The following PARD3 variants were observed in gnomAD, a reference collection of about 807,000 sequenced individuals.
PARD3 encodes partitioning defective 3 homolog.
PARD3 carries 75 observed loss-of-function variants against 155.4 expected under a neutral mutation model. That is an observed-to-expected ratio of 0.48 (90% CI 0.40 to 0.58). The LOEUF is 0.58. Among genes scored for constraint, PARD3 ranks in the 20% least tolerant of loss-of-function variants. PARD3 has a pLI of 0.00. For synonymous variants in PARD3, 576 were observed against 610.5 expected (o/e 0.94, Z 0.83); for missense variants, 1,642 against 1,721.7 (o/e 0.95, Z 0.82).
intron 2 of PARD3, among the ~76,000 whole-genome samples, chr10:34,651,679 C>A (rs1178259450): frequency 2.0e-5 from 3 of 152,150 alleles, no homozygotes; most frequent in Non-Finnish European, 1.5e-5. Flanking sequence ...GTAAGAGACC[C>A]GAGCTTTGCA....
chr10:34,149,469 CA>C (rs1948678430), intron 22 of PARD3, among the ~76,000 whole-genome samples: 1 of 152,014 alleles, frequency 6.6e-6, no homozygotes, highest in Non-Finnish European at 1.5e-5. Context: ...GACCAAAAGC[CA>C]ATATGACAAA....
intron 1 of PARD3, among the ~76,000 whole-genome samples, chr10:34,734,987 G>GGA (rs1554822504): frequency 1.6e-3 from 212 of 131,876 alleles, no homozygotes; most frequent in Admixed American, 4.2e-3. Flanking sequence ...GGGCTTATGG[G>GGA]AAAAAAAAAA....
At position 34,582,672 on chromosome 10, in the gene PARD3, G is replaced by A. The variant is rs576086411; in HGVS notation, c.223-65513C>T. On this transcript the variant is annotated intron_variant, in intron 2 of 24. Transcript: ENST00000374788. ...CATTCTCACTATTGATGTGTTATGC[G>A]CTATATGTGACACAGACTAAGCAGT... is the stretch of plus-strand genomic sequence containing the variant. Among the ~76,000 whole-genome samples, 19 of 152,240 alleles carry A rather than the reference G, an allele frequency of 1.2e-4. No individual in the cohort carries two copies. In the South Asian group the frequency reaches 3.5e-3, roughly 28 times the overall value.
chr10:34,217,503 G>A (rs1346280365), intron 22 of PARD3, among the ~76,000 whole-genome samples: 1 of 152,202 alleles, frequency 6.6e-6, no homozygotes, highest in Non-Finnish European at 1.5e-5. Context: ...AGGTGTAACA[G>A]GTGGTGCGAT....
chr10:34,709,017 CAT>C (rs2094410734), intron 1 of PARD3, among the ~76,000 whole-genome samples: 1 of 151,956 alleles, frequency 6.6e-6, no homozygotes, highest in Admixed American at 6.6e-5. Context: ...CACACGTACA[CAT>C]ATATGTACAT....
intron 4 of PARD3, among the ~76,000 whole-genome samples, chr10:34,456,936 T>G (rs1435448150): frequency 2.0e-5 from 3 of 152,128 alleles, no homozygotes; most frequent in Non-Finnish European, 2.9e-5. Context: ...GCCAAAAAAT[T>G]TTCACAGTGG....
At chr10:34,695,415 C>T (rs2094148401) in intron 2 of PARD3, among the ~76,000 whole-genome samples, 2 of 143,852 alleles carry the variant, frequency 1.4e-5, no homozygotes, top group East Asian at 2.0e-4. Flanking sequence ...GCAGAGGTTG[C>T]AGTGAGCAGC....
chr10:34,694,471 T>C (rs963714840), intron 2 of PARD3, among the ~76,000 whole-genome samples: 15 of 14,114 alleles, frequency 1.1e-3, no homozygotes, highest in Non-Finnish European at 2.1e-3. Flanking sequence ...AAACTTCTGC[T>C]TTTTTTTTTT....
chr10:34,685,617 G>A (rs571152403), intron 2 of PARD3, among the ~76,000 whole-genome samples: 4 of 146,670 alleles, frequency 2.7e-5, no homozygotes, highest in East Asian at 2.0e-4. Flanking sequence ...TTTTGGAGAC[G>A]GAGTCTCACT....
chr10:34,459,723 A>C (rs1462122678), intron 4 of PARD3, among the ~76,000 whole-genome samples: 1 of 152,132 alleles, frequency 6.6e-6, no homozygotes, highest in Admixed American at 6.5e-5. Flanking sequence ...GTCTGAATTT[A>C]AAAACGAATG....
At chr10:34,395,416 G>A (rs1843221376) in intron 7 of PARD3, among the ~76,000 whole-genome samples, 1 of 152,108 alleles carries the variant, frequency 6.6e-6, no homozygotes, top group Non-Finnish European at 1.5e-5. Context: ...AACGTTTTAG[G>A]TAAATGTTTT....
At chr10:34,606,210 G>A (rs2090420379) in intron 2 of PARD3, among the ~76,000 whole-genome samples, 1 of 112,414 alleles carries the variant, frequency 8.9e-6, no homozygotes, top group African/African-American at 3.3e-5. Flanking sequence ...GTGTGTGTGT[G>A]TAGTTCTGTC....
chr10:34,254,066 C>A (rs1053230607), intron 22 of PARD3, among the ~76,000 whole-genome samples: 1 of 152,126 alleles, frequency 6.6e-6, no homozygotes, highest in African/African-American at 2.4e-5. Context: ...TGCACTTGTA[C>A]CTGATGAATA....
chr10:34,125,489 A>T (rs958561242), intron 23 of PARD3, among the ~76,000 whole-genome samples: 2 of 152,242 alleles, frequency 1.3e-5, no homozygotes, highest in Non-Finnish European at 2.9e-5. Context: ...GGAGAAAATG[A>T]GAGCAGATAC....
intron 22 of PARD3, 60 bp downstream of exon 22, chr10:34,269,595 CCT>C (rs1955512144): frequency 8.9e-6 from 14 of 1,576,836 alleles, no homozygotes; most frequent in South Asian, 1.1e-5. Flanking sequence ...GGTCTACTCC[CCT>C]GTCAGAAGCT....
At chr10:34,415,243 A>C (rs898351730) in intron 5 of PARD3, among the ~76,000 whole-genome samples, 4 of 152,056 alleles carry the variant, frequency 2.6e-5, no homozygotes, top group Admixed American at 6.6e-5. Context: ...TTGCACAAAC[A>C]CTCCCACCCT....
At chr10:34,594,737 G>A (rs2089083718) in intron 2 of PARD3, among the ~76,000 whole-genome samples, 1 of 152,132 alleles carries the variant, frequency 6.6e-6, no homozygotes, top group African/African-American at 2.4e-5. Flanking sequence ...AGGGTGAGGT[G>A]AGAGGATCAC....
chr10:34,293,925 T>G (rs1457896034), intron 20 of PARD3, among the ~76,000 whole-genome samples: 1 of 152,166 alleles, frequency 6.6e-6, no homozygotes, highest in Non-Finnish European at 1.5e-5. Context: ...TTCCTTTTCC[T>G]AAAGCAAGGG....
intron 1 of PARD3, among the ~76,000 whole-genome samples, chr10:34,773,055 A>G (rs913052007): frequency 6.6e-6 from 1 of 152,138 alleles, no homozygotes; most frequent in African/African-American, 2.4e-5. Flanking sequence ...CAGCTGACAC[A>G]TCTCCTTGGA....
Sources: allele counts gnomAD v4.1 joint callset (sites outside exome capture counted in the v4.1 genomes callset), GRCh38; gene constraint gnomAD v4.1.1; transcripts MANE v1.5; gene names NCBI Gene and HGNC (gene_info 2026-07-23, HGNC 2026-07-21).